CFAP20DC: variants seen among roughly 807,000 people sequenced by gnomAD.
CFAP20DC encodes protein CFAP20DC.
A neutral mutation model predicts 101.7 loss-of-function variants in CFAP20DC; 84 were observed. The ratio of observed to expected loss-of-function variants is 0.83; its 90% CI spans 0.69 to 0.99. The LOEUF (loss-of-function observed/expected upper bound fraction) is 0.99. Ranked by LOEUF, CFAP20DC falls within the 50% of genes least tolerant of loss-of-function variation. The pLI is 0.00. For missense variants in CFAP20DC, 1,007 were observed against 970.3 expected (o/e 1.04, Z -0.50); for synonymous variants, 359 against 351.2 (o/e 1.02, Z -0.25).
rs551907855 is a variant in CFAP20DC at position 58,948,598 on chromosome 3, C to T, written c.279-10836G>A. Among the ~76,000 whole-genome samples the T allele has an allele frequency of 1.6e-4, 25 of 152,248 alleles. No homozygotes were observed. In the South Asian group the frequency reaches 5.2e-3, roughly 32 times the overall value. ...GTTCTAATTGAGTTTAAAAGGGTTA[C>T]TAGCGTTTGTTGAACCAGCCTTGCA... is the stretch of plus-strand genomic sequence containing the variant. On this transcript the variant is annotated intron_variant, in intron 4 of 16. Coordinates refer to ENST00000482387, the MANE Select transcript of CFAP20DC (RefSeq NM_001394063.1).
chr3:58,819,749 T>A (rs2107894568), intron 14 of CFAP20DC, among the ~76,000 whole-genome samples: 1 of 145,200 alleles, frequency 6.9e-6, no homozygotes, highest in East Asian at 2.3e-4. Context: ...CTGAAACTAT[T>A]CCAATCAATA....
intron 15 of CFAP20DC, among the ~76,000 whole-genome samples, chr3:58,758,820 GAAT>G (rs912303134): frequency 1.3e-5 from 2 of 152,164 alleles, no homozygotes; most frequent in Admixed American, 1.3e-4. Flanking sequence ...AGTTTGCTGA[GAAT>G]GATGGTTTCC....
At chr3:58,991,579 G>A (rs1057002466) in intron 4 of CFAP20DC, among the ~76,000 whole-genome samples, 1 of 152,170 alleles carries the variant, frequency 6.6e-6, no homozygotes, top group Admixed American at 6.5e-5. Context: ...TATGAACGGG[G>A]TAGGGGGAAG....
At chr3:58,921,132 T>C (rs1335058678) in intron 5 of CFAP20DC, among the ~76,000 whole-genome samples, 1 of 152,104 alleles carries the variant, frequency 6.6e-6, no homozygotes, top group Non-Finnish European at 1.5e-5. Flanking sequence ...TGGCAATGTG[T>C]ATGTTCTTTT....
Position 59,007,910 on chromosome 3 carries a change from T to C in CFAP20DC, c.278+31647A>G, listed in dbSNP as rs143668727. ...CTTTCCACTGGTAGGTAGTTTCTCA[T>C]AGCAGAGAAACAATTGCAATGTGGG... On this transcript the variant is annotated intron_variant, in intron 4 of 16. Coordinates refer to ENST00000482387, the MANE Select transcript of CFAP20DC (RefSeq NM_001394063.1). The surrounding 1 kb of genome is among the most constrained non-coding windows in gnomAD (Gnocchi z 4.4). Among the ~76,000 whole-genome samples the C allele has an allele frequency of 2.9e-3, 439 of 152,306 alleles. 2 individuals carry two copies. The highest frequency in any genetic ancestry group is 9.8e-3 in the African/African-American group (409 of 41,574).
At chr3:58,937,383 C>T (rs868210871) in intron 5 of CFAP20DC, among the ~76,000 whole-genome samples, 1 of 152,166 alleles carries the variant, frequency 6.6e-6, no homozygotes, top group South Asian at 2.1e-4. Context: ...AGATGGATTC[C>T]TTTCCCTTTC....
In CFAP20DC at chr3:58,724,341, G is replaced by A. The variant is rs915003755; in HGVS notation, c.198-6713C>T. On this transcript the variant is annotated intron_variant, in intron 3 of 3. Transcript: ENST00000486145. This position sits in a 1 kb window ranked among gnomAD's most constrained non-coding sequence, Gnocchi z 5.6. ...TGGCCATAAAAATATGGGACAATAA[G>A]TTGTGGAAAGCCACAAGAGGTCTCT... Among the ~76,000 whole-genome samples, 2 of 152,174 alleles carry A rather than the reference G, an allele frequency of 1.3e-5. No individual in the cohort carries two copies. Among genetic ancestry groups the A allele is most frequent in the Non-Finnish European group, 2.9e-5 (2 of 68,034 alleles).
At chr3:58,879,311 A>G (rs139565741) in intron 7 of CFAP20DC, among the ~76,000 whole-genome samples, 1 of 152,322 alleles carries the variant, frequency 6.6e-6, no homozygotes, top group East Asian at 1.9e-4. Context: ...ATAAATTTGT[A>G]CAATTATTAT....
intron 5 of CFAP20DC, among the ~76,000 whole-genome samples, chr3:58,929,983 T>C (rs1430203391): frequency 1.3e-5 from 2 of 152,114 alleles, no homozygotes; most frequent in African/African-American, 4.8e-5. Flanking sequence ...TTAATGCTGC[T>C]TGTTCTCTTC....
chr3:58,851,299 A>G (rs2078208602), intron 12 of CFAP20DC, among the ~76,000 whole-genome samples: 1 of 152,178 alleles, frequency 6.6e-6, no homozygotes, highest in Non-Finnish European at 1.5e-5. Context: ...ACTGGAGGCC[A>G]ATCAGTAGAC....
intron 4 of CFAP20DC, among the ~76,000 whole-genome samples, chr3:59,021,809 G>A (rs562305184): frequency 1.6e-4 from 24 of 152,090 alleles, no homozygotes; most frequent in Non-Finnish European, 3.5e-4. Context: ...GCGGGGAAGA[G>A]AGAGACAGAG....
At chr3:58,998,107 T>C (rs1023951463) in intron 4 of CFAP20DC, among the ~76,000 whole-genome samples, 1 of 152,158 alleles carries the variant, frequency 6.6e-6, no homozygotes, top group African/African-American at 2.4e-5. Context: ...TTGGTAGCTG[T>C]GGGGTAGACA....
intron 5 of CFAP20DC, among the ~76,000 whole-genome samples, chr3:58,929,616 T>G (rs2086364691): frequency 6.6e-6 from 1 of 152,238 alleles, no homozygotes; most frequent in Admixed American, 6.5e-5. Context: ...AAACTTCTAC[T>G]GCAAACAGAA....
chr3:58,934,584 G>T (rs1257489294), intron 5 of CFAP20DC, among the ~76,000 whole-genome samples: 2 of 152,086 alleles, frequency 1.3e-5, no homozygotes, highest in Non-Finnish European at 2.9e-5. Context: ...ATGATCAAGT[G>T]GGCTTCTTCC....
chr3:58,989,538 T>A (rs1300195137), intron 4 of CFAP20DC, among the ~76,000 whole-genome samples: 4 of 152,120 alleles, frequency 2.6e-5, no homozygotes, highest in Non-Finnish European at 5.9e-5. Context: ...TTTTTAGATA[T>A]TCCACTCTAC....
intron 4 of CFAP20DC, among the ~76,000 whole-genome samples, chr3:59,033,384 G>C (rs1422201862): frequency 2.6e-5 from 4 of 152,070 alleles, no homozygotes; most frequent in Admixed American, 2.6e-4. Context: ...GAGAAGGTGG[G>C]TAATAACAAA....
chr3:58,886,554 T>C (rs1424222398), intron 6 of CFAP20DC, among the ~76,000 whole-genome samples: 2 of 151,442 alleles, frequency 1.3e-5, no homozygotes, highest in Non-Finnish European at 2.9e-5. Flanking sequence ...ATACCCCATA[T>C]ATCTTTAAAA....
Position 58,894,040 on chromosome 3 carries a change from C to G in CFAP20DC, c.551-9331G>C, listed in dbSNP as rs903885109. Among the ~76,000 whole-genome samples the G allele has an allele frequency of 1.2e-4, 19 of 152,140 alleles. No individual in the cohort carries two copies. Among genetic ancestry groups the G allele is most frequent in the Non-Finnish European group, 2.5e-4 (17 of 68,012 alleles). On this transcript the variant is annotated intron_variant, in intron 6 of 16. Coordinates refer to ENST00000482387, the MANE Select transcript of CFAP20DC (RefSeq NM_001394063.1). This position sits in a 1 kb window ranked among gnomAD's most constrained non-coding sequence, Gnocchi z 4.1. ...AGATCTCAAAAGACTTACTTGCTAT[C>G]ATGAGAACAGCATGGGAAGTACCTG...
In CFAP20DC at chr3:58,892,595, A is replaced by G. The variant is rs1401820178; in HGVS notation, c.551-7886T>C. ...TAGATATTTTATTCTTTTTGTGGCA[A>G]TTGTGAATGGGAGTTCATTCATGAT... On this transcript the variant is annotated intron_variant, in intron 6 of 16. Coordinates refer to ENST00000482387, the MANE Select transcript of CFAP20DC (RefSeq NM_001394063.1). This position sits in a 1 kb window ranked among gnomAD's most constrained non-coding sequence, Gnocchi z 4.0. 6.6e-6 allele frequency among the ~76,000 whole-genome samples: 1 copy of G among 152,060 alleles called. No individual in the cohort carries two copies. Among genetic ancestry groups the G allele is most frequent in the African/African-American group, 2.4e-5 (1 of 41,422 alleles).
Sources: allele counts gnomAD v4.1 joint callset (sites outside exome capture counted in the v4.1 genomes callset), GRCh38; gene constraint gnomAD v4.1.1; non-coding constraint Gnocchi (gnomAD v3.1); transcripts MANE v1.5; gene names NCBI Gene and HGNC (gene_info 2026-07-23, HGNC 2026-07-21).